Variants in KLF12 observed in about 807,000 individuals in gnomAD.
KLF12 encodes the protein Krueppel-like factor 12.
KLF12 carries 9 observed loss-of-function variants against 37.8 expected under a neutral mutation model. The observed-to-expected ratio is 0.24, with a 90% CI of 0.14 to 0.42. KLF12 has a LOEUF of 0.42. Ranked by LOEUF, KLF12 falls within the 10% of genes least tolerant of loss-of-function variation. KLF12 has a pLI of 1.00. For synonymous variants in KLF12, 208 were observed against 202.1 expected (o/e 1.03, Z -0.25); for missense variants, 411 against 516.0 (o/e 0.80, Z 1.97).
At chr13:73,788,007 T>TA (rs1191084834) in intron 5 of KLF12, among the ~76,000 whole-genome samples, 1 of 152,114 alleles carries the variant, frequency 6.6e-6, no homozygotes, top group Non-Finnish European at 1.5e-5. Context: ...TTTTAGGTAA[T>TA]AAAAACACAC....
the KLF12 span, among the ~76,000 whole-genome samples, chr13:74,211,624 C>T: frequency 2.0e-5 from 3 of 152,120 alleles, no homozygotes; most frequent in Non-Finnish European, 4.4e-5. Flanking sequence ...TGTTATTCTT[C>T]CATGAGGAGC....
chr13:74,175,042 A>C, the KLF12 span, among the ~76,000 whole-genome samples: 35,767 of 152,056 alleles, frequency 0.24, 7,171 homozygotes, highest in African/African-American at 0.55. Flanking sequence ...CAGATGCCAC[A>C]AGCATGGAGC....
At chr13:73,953,770 C>G (rs1229825628) in intron 2 of KLF12, among the ~76,000 whole-genome samples, 1 of 151,874 alleles carries the variant, frequency 6.6e-6, no homozygotes, top group Non-Finnish European at 1.5e-5. Context: ...CCTGCATAGC[C>G]TGGAAAAAAA....
At chr13:73,919,974 GT>G (rs1400648468) in intron 3 of KLF12, among the ~76,000 whole-genome samples, 1 of 152,116 alleles carries the variant, frequency 6.6e-6, no homozygotes, top group African/African-American at 2.4e-5. Context: ...AGCAGCATTA[GT>G]TACCCCGCAT....
the KLF12 span, among the ~76,000 whole-genome samples, chr13:74,247,846 A>G: frequency 6.6e-6 from 1 of 152,144 alleles, no homozygotes; most frequent in African/African-American, 2.4e-5. Context: ...GAATGAATTA[A>G]TGTTAAAGGA....
intron 1 of KLF12, among the ~76,000 whole-genome samples, chr13:74,002,685 A>T (rs886797079): frequency 6.6e-6 from 1 of 152,240 alleles, no homozygotes; most frequent in African/African-American, 2.4e-5. Context: ...TACTATAAGA[A>T]TCAAAAACGA....
intron 3 of KLF12, among the ~76,000 whole-genome samples, chr13:73,847,246 G>A (rs1885079770): frequency 6.6e-6 from 1 of 152,186 alleles, no homozygotes; most frequent in South Asian, 2.1e-4. Context: ...TGTCAGTCTA[G>A]ACTAAAAAGA....
intron 1 of KLF12, among the ~76,000 whole-genome samples, chr13:74,023,303 C>T (rs1005441679): frequency 1.3e-5 from 2 of 152,190 alleles, no homozygotes; most frequent in African/African-American, 4.8e-5. Flanking sequence ...TACATGTTTG[C>T]TAAAAAACAG....
intron 5 of KLF12, among the ~76,000 whole-genome samples, chr13:73,810,646 G>C (rs1256916976): frequency 6.6e-5 from 10 of 150,774 alleles, no homozygotes; most frequent in East Asian, 2.0e-4. Flanking sequence ...TATTTATAAA[G>C]ACACACACAC....
intron 3 of KLF12, among the ~76,000 whole-genome samples, chr13:73,940,946 G>A (rs904056330): frequency 3.3e-5 from 5 of 152,184 alleles, no homozygotes; most frequent in African/African-American, 1.2e-4. Context: ...AGACCTAAAG[G>A]ACTCTTTCTA....
intron 3 of KLF12, among the ~76,000 whole-genome samples, chr13:73,872,788 G>C (rs1293917911): frequency 6.6e-6 from 1 of 152,156 alleles, no homozygotes; most frequent in East Asian, 1.9e-4. Context: ...TTAGTGGTAA[G>C]CAATGGAAGG....
At chr13:74,267,405 A>C in the KLF12 span, among the ~76,000 whole-genome samples, 1 of 152,234 alleles carries the variant, frequency 6.6e-6, no homozygotes, top group Admixed American at 6.5e-5. Flanking sequence ...ATTCAGCCAC[A>C]AAAAAGAAAA....
chr13:74,055,467 A>G (rs1265995531), intron 1 of KLF12, among the ~76,000 whole-genome samples: 1 of 152,230 alleles, frequency 6.6e-6, no homozygotes, highest in Non-Finnish European at 1.5e-5. Flanking sequence ...GATGCAACAG[A>G]AAGCTGCAAA....
intron 6 of KLF12, among the ~76,000 whole-genome samples, chr13:73,733,805 A>G (rs1479557447): frequency 1.3e-5 from 2 of 152,152 alleles, no homozygotes; most frequent in Non-Finnish European, 2.9e-5. Context: ...CAATTTTTCT[A>G]TACCCTCACT....
intron 1 of KLF12, among the ~76,000 whole-genome samples, chr13:74,022,463 C>T (rs1041206133): frequency 6.6e-6 from 1 of 152,034 alleles, no homozygotes; most frequent in Non-Finnish European, 1.5e-5. Context: ...CAGTCTCCCA[C>T]TTCTGCCACA....
At chr13:73,809,034 G>C (rs927182487) in intron 5 of KLF12, among the ~76,000 whole-genome samples, 14 of 152,116 alleles carry the variant, frequency 9.2e-5, no homozygotes, top group Admixed American at 1.3e-4. Context: ...TGGCTCCTTT[G>C]ATCTTTAATT....
At chr13:73,974,321 G>T (rs1174926847) in intron 2 of KLF12, among the ~76,000 whole-genome samples, 1 of 125,200 alleles carries the variant, frequency 8.0e-6, no homozygotes, top group African/African-American at 3.2e-5. Context: ...AAAAAAAAAA[G>T]AATTCTGCAG....
At chr13:73,730,707 G>A (rs1437641678) in intron 6 of KLF12, among the ~76,000 whole-genome samples, 3 of 151,936 alleles carry the variant, frequency 2.0e-5, no homozygotes, top group African/African-American at 7.3e-5. Flanking sequence ...TGGATGTGTC[G>A]GTGGTAAAGA....
At chr13:73,880,782 G>GT (rs1475415287) in intron 3 of KLF12, among the ~76,000 whole-genome samples, 1 of 152,078 alleles carries the variant, frequency 6.6e-6, no homozygotes, top group East Asian at 1.9e-4. Flanking sequence ...AAATAGATTT[G>GT]TTTTTTAAAT....
Sources: allele counts gnomAD v4.1 joint callset (sites outside exome capture counted in the v4.1 genomes callset), GRCh38; gene constraint gnomAD v4.1.1; transcripts MANE v1.5; gene names NCBI Gene and HGNC (gene_info 2026-07-23, HGNC 2026-07-21).